PPARGC1A: variants seen among roughly 807,000 people sequenced by gnomAD.
PPARGC1A encodes the protein PPARG coactivator 1 alpha, also known as peroxisome proliferator-activated receptor gamma coactivator 1-alpha.
A neutral mutation model predicts 88.7 loss-of-function variants in PPARGC1A; 25 were observed. That is an observed-to-expected ratio of 0.28 (90% CI 0.21 to 0.39). The LOEUF is 0.39. Among genes scored for constraint, PPARGC1A ranks in the 10% least tolerant of loss-of-function variants. PPARGC1A has a pLI of 1.00. For synonymous variants in PPARGC1A, 363 were observed against 355.6 expected (o/e 1.02, Z -0.24); for missense variants, 880 against 968.7 (o/e 0.91, Z 1.22).
intron 10 of PPARGC1A, 33 bp from the exon 11 acceptor site, chr4:23,802,378 T>TG (rs756405844): frequency 3.7e-6 from 6 of 1,610,858 alleles, no homozygotes; most frequent in Non-Finnish European, 5.1e-6. Flanking sequence ...AGTTCTGGAG[T>TG]GGGAAAAAAG....
chr4:23,894,200 A>C (rs1718241585), upstream of PPARGC1A, among the ~76,000 whole-genome samples: 1 of 152,172 alleles, frequency 6.6e-6, no homozygotes, highest in Non-Finnish European at 1.5e-5. Context: ...GCCTGCCTAG[A>C]GCATTCGTCC....
At chr4:24,167,832 C>G in the PPARGC1A span, among the ~76,000 whole-genome samples, 1 of 152,188 alleles carries the variant, frequency 6.6e-6, no homozygotes, top group South Asian at 2.1e-4. Flanking sequence ...CAGCTCACTG[C>G]AACCTCCACC....
intron 5 of PPARGC1A, among the ~76,000 whole-genome samples, chr4:23,826,189 G>A (rs1479783803): frequency 1.3e-5 from 2 of 152,190 alleles, no homozygotes; most frequent in South Asian, 2.1e-4. Context: ...AGGCAAACAG[G>A]AAATGAGAGC....
At chr4:23,924,686 C>T in the PPARGC1A span, among the ~76,000 whole-genome samples, 2 of 152,158 alleles carry the variant, frequency 1.3e-5, no homozygotes, top group Admixed American at 6.6e-5. Flanking sequence ...TCAGAGTTTA[C>T]TTTCTGCATA....
chr4:24,011,177 T>C, the PPARGC1A span, among the ~76,000 whole-genome samples: 2 of 152,148 alleles, frequency 1.3e-5, no homozygotes, highest in Non-Finnish European at 2.9e-5. Flanking sequence ...ATCTGCAAAA[T>C]AATAGACTTT....
chr4:24,472,707 G>T, the PPARGC1A span, among the ~76,000 whole-genome samples: 1 of 151,762 alleles, frequency 6.6e-6, no homozygotes, highest in South Asian at 2.1e-4. This position sits in a 1 kb window ranked among gnomAD's most constrained non-coding sequence, Gnocchi z 4.5. Flanking sequence ...TTCTCAAGAC[G>T]GTACCTAGAT....
At chr4:24,242,875 C>T in the PPARGC1A span, among the ~76,000 whole-genome samples, 1 of 152,136 alleles carries the variant, frequency 6.6e-6, no homozygotes, top group Non-Finnish European at 1.5e-5. Context: ...AGAACCCCAT[C>T]AGTTCCCAAT....
chr4:24,054,107 G>GA, the PPARGC1A span, among the ~76,000 whole-genome samples: 1 of 152,160 alleles, frequency 6.6e-6, no homozygotes, highest in Non-Finnish European at 1.5e-5. Flanking sequence ...AAGTAGTGTT[G>GA]AAATCTCTAA....
At chr4:23,878,382 C>G (rs1353642794) in intron 2 of PPARGC1A, among the ~76,000 whole-genome samples, 1 of 150,730 alleles carries the variant, frequency 6.6e-6, no homozygotes, top group Non-Finnish European at 1.5e-5. Context: ...AATTTCATCT[C>G]TCCTAGCCAC....
chr4:24,349,109 G>A, the PPARGC1A span, among the ~76,000 whole-genome samples: 1 of 152,234 alleles, frequency 6.6e-6, no homozygotes, highest in African/African-American at 2.4e-5. Context: ...TCCAGCTCCA[G>A]GCTGGTACTG....
the PPARGC1A span, among the ~76,000 whole-genome samples, chr4:24,392,923 G>A: frequency 6.6e-6 from 1 of 151,556 alleles, no homozygotes; most frequent in Admixed American, 6.6e-5. Context: ...CATTATCTTT[G>A]GTCACTGAAT....
the PPARGC1A span, among the ~76,000 whole-genome samples, chr4:23,959,181 G>A: frequency 3.3e-5 from 5 of 152,018 alleles, no homozygotes; most frequent in Non-Finnish European, 7.4e-5. Context: ...TCGAAGGGGC[G>A]GCATTGCCCA....
At chr4:24,030,749 CAT>C in the PPARGC1A span, among the ~76,000 whole-genome samples, 1 of 152,198 alleles carries the variant, frequency 6.6e-6, no homozygotes, top group South Asian at 2.1e-4. Context: ...TCATCTCTCT[CAT>C]ATCTCTCTTT....
At chr4:23,962,538 C>T in the PPARGC1A span, among the ~76,000 whole-genome samples, 1 of 152,152 alleles carries the variant, frequency 6.6e-6, no homozygotes, top group Non-Finnish European at 1.5e-5. Flanking sequence ...TCAATGCTTC[C>T]TAATTCCAAA....
chr4:24,318,110 C>G, the PPARGC1A span, among the ~76,000 whole-genome samples: 4 of 152,220 alleles, frequency 2.6e-5, no homozygotes, highest in East Asian at 3.9e-4. Flanking sequence ...AGTCCTGAAG[C>G]CAGTGTTGTG....
At chr4:24,346,905 T>A in the PPARGC1A span, among the ~76,000 whole-genome samples, 1 of 152,288 alleles carries the variant, frequency 6.6e-6, no homozygotes, top group Non-Finnish European at 1.5e-5. Flanking sequence ...ATGTAGCTAT[T>A]TAGGGCTATG....
chr4:24,074,485 G>A, the PPARGC1A span, among the ~76,000 whole-genome samples: 1 of 151,708 alleles, frequency 6.6e-6, no homozygotes, highest in Non-Finnish European at 1.5e-5. Flanking sequence ...AGTATATAAT[G>A]GTCAAATAAA....
chr4:23,913,007 A>G, the PPARGC1A span, among the ~76,000 whole-genome samples: 1 of 147,334 alleles, frequency 6.8e-6, no homozygotes, highest in Non-Finnish European at 1.5e-5. Flanking sequence ...GGGTTTCACC[A>G]TGTTAGCCAG....
the PPARGC1A span, among the ~76,000 whole-genome samples, chr4:24,465,549 T>C: frequency 6.6e-6 from 1 of 152,330 alleles, no homozygotes; most frequent in Admixed American, 6.5e-5. Context: ...TTCTGCTTCC[T>C]TGATGATGAA....
Sources: gnomAD v4.1 joint callset for allele counts (sites outside exome capture counted in the v4.1 genomes callset) on GRCh38, gnomAD v4.1.1 for gene constraint, Gnocchi (gnomAD v3.1) non-coding constraint, MANE v1.5 for transcripts, NCBI Gene and HGNC (gene_info 2026-07-23, HGNC 2026-07-21) for gene names.